The following NUDCD3 variants were observed in gnomAD, a reference collection of about 807,000 sequenced individuals.
NUDCD3 encodes NudC domain containing 3.
NUDCD3 carries 13 observed loss-of-function variants against 39.7 expected under a neutral mutation model. The ratio of observed to expected loss-of-function variants is 0.33; its 90% CI spans 0.21 to 0.52. The LOEUF (loss-of-function observed/expected upper bound fraction) is 0.52, where lower values mean the gene tolerates loss of function less well. Ranked by LOEUF, NUDCD3 falls within the 20% of genes least tolerant of loss-of-function variation. The probability of loss-of-function intolerance (pLI) is 0.96; values close to 1 mark genes in which losing one functional copy is unlikely to be tolerated. For synonymous variants in NUDCD3, 175 were observed against 172.4 expected (o/e 1.02, Z -0.12); for missense variants, 453 against 458.1 (o/e 0.99, Z 0.10).
chr7:44,404,583 C>T lies in NUDCD3; in HGVS notation c.643G>A (p.Val215Ile). ...GAGCTGCTGCTAAGGGCCACTGAGACCTGGGGACACAGCAGAAGAAAATCA... is the reference window on the plus strand; with the variant it reads ...GAGCTGCTGCTAAGGGCCACTGAGATCTGGGGACACAGCAGAAGAAAATCA... Reference protein sequence around the residue: ...VPKHVVKGKQVSVALSSSSIR... With the variant: ...VPKHVVKGKQISVALSSSSIR... The change falls in exon 4 of 6, where the codon GTC (valine) becomes ATC (isoleucine). Residue 215 changes from valine to isoleucine, a missense_variant and splice_region_variant. Coordinates refer to ENST00000355451, the MANE Select transcript of NUDCD3 (RefSeq NM_015332.4). The T allele has an allele frequency of 1.2e-6, 2 of 1,613,414 alleles. No homozygotes were observed. Among genetic ancestry groups the T allele is most frequent in the East Asian group, 2.2e-5 (1 of 44,868 alleles).
chr7:44,386,312 T>G (rs956976895), intron 5 of NUDCD3, among the ~76,000 whole-genome samples, 191 bp from the exon 6 acceptor site: 14 of 152,174 alleles, frequency 9.2e-5, no homozygotes, highest in African/African-American at 3.4e-4. Flanking sequence ...ACTGGGTGCC[T>G]GCCAATTTCT....
At chr7:44,434,234 C>T in intron 2 of NUDCD3, among the ~76,000 whole-genome samples, 1 of 152,144 alleles carries the variant, frequency 6.6e-6, no homozygotes. Context: ...TGGACCCCAG[C>T]CCTGGGCCCC....
chr7:44,474,103 T>G (rs1800312523), intron 2 of NUDCD3, among the ~76,000 whole-genome samples: 2 of 152,214 alleles, frequency 1.3e-5, no homozygotes, highest in Admixed American at 6.5e-5. Flanking sequence ...GGAGTCATGT[T>G]CTTCTGTCTA....
Position 44,453,813 on chromosome 7 carries a change from G to A in NUDCD3, c.510-26110C>T, listed in dbSNP as rs144948595. ...AATCCCAGTACTTTGGGAGGCCAAG[G>A]GAGTAGGATTGCTTGAGCCCAGGAG... On this transcript the variant is annotated intron_variant, in intron 2 of 5. Coordinates refer to ENST00000355451, the MANE Select transcript of NUDCD3 (RefSeq NM_015332.4). Among the ~76,000 whole-genome samples, 1,031 of 152,240 alleles carry A rather than the reference G, an allele frequency of 6.8e-3. 12 individuals are homozygous for A. The highest frequency in any genetic ancestry group is 0.023 in the African/African-American group (975 of 41,508).
Position 44,392,321 on chromosome 7 carries a change from C to A in NUDCD3, c.951G>T (p.Gln317His), listed in dbSNP as rs753372746. 23 of 1,614,112 alleles carry A rather than the reference C, an allele frequency of 1.4e-5. No individual in the cohort carries two copies. The highest frequency in any genetic ancestry group is 1.9e-5 in the Non-Finnish European group (22 of 1,179,978). ...CCAGCTCATGGCTCTGTGGCTTGCC[C>A]TGCAGCTTCTGGTGGTAGTCAAAGG... is the stretch of plus-strand genomic sequence containing the variant. ...RLTFDYHQKL[Q>H]GKPQSHELKV... The change falls in exon 5 of 6, where the codon CAG becomes CAT. Residue 317 changes from glutamine (Q) to histidine (H), a missense_variant. Transcript: ENST00000355451.
rs1382183392 is a variant in NUDCD3, at chr7:44,383,794, A to C, written c.*2217T>G. Reference sequence around the variant, plus strand: ...AACAGGCAGGGTGTGCCAGCTCTGGAGACTGGGCCAGTCCAGGGTGGTGGC... The same window carrying C: ...AACAGGCAGGGTGTGCCAGCTCTGGCGACTGGGCCAGTCCAGGGTGGTGGC... On this transcript the variant is annotated 3_prime_UTR_variant, in exon 6 of 6. Coordinates refer to ENST00000355451, the MANE Select transcript of NUDCD3 (RefSeq NM_015332.4). 6.6e-6 allele frequency: 1 copy of C among 152,230 alleles called. No homozygotes were observed. The highest frequency in any genetic ancestry group is 1.5e-5 in the Non-Finnish European group (1 of 68,072). 9.4% of individuals were successfully genotyped at this position (152,230 alleles called of 1,614,324 possible). A position where few individuals can be genotyped will look rare whatever the true frequency, so the allele number is the denominator to read the frequency against.
intron 3 of NUDCD3, among the ~76,000 whole-genome samples, chr7:44,419,292 C>A (rs1409386552): frequency 6.7e-6 from 1 of 148,440 alleles, no homozygotes; most frequent in Admixed American, 6.8e-5. Flanking sequence ...GATTCCTTCT[C>A]ACTGGGCAGG....
At chr7:44,402,336 C>T (rs1272722115) in intron 4 of NUDCD3, among the ~76,000 whole-genome samples, 1 of 152,182 alleles carries the variant, frequency 6.6e-6, no homozygotes, top group African/African-American at 2.4e-5. Flanking sequence ...CTAGTCACAT[C>T]CCTATTCCAC....
chr7:44,434,267 G>A (rs1005305314), intron 2 of NUDCD3, among the ~76,000 whole-genome samples: 1 of 152,060 alleles, frequency 6.6e-6, no homozygotes, highest in Non-Finnish European at 1.5e-5. Flanking sequence ...CTGCCCCAAC[G>A]CCAGCAACCC....
intron 2 of NUDCD3, among the ~76,000 whole-genome samples, chr7:44,447,206 T>C (rs1174785758): frequency 6.6e-6 from 1 of 152,200 alleles, no homozygotes; most frequent in Non-Finnish European, 1.5e-5. Flanking sequence ...TCCGTGCAAG[T>C]TTGACAGCCA....
chr7:44,420,672 A>G (rs991613297), intron 3 of NUDCD3, among the ~76,000 whole-genome samples: 2 of 152,266 alleles, frequency 1.3e-5, no homozygotes, highest in Non-Finnish European at 2.9e-5. Context: ...TCTACAAGCC[A>G]GAAGACAGTG....
chr7:44,462,582 A>T (rs779804729), intron 2 of NUDCD3, among the ~76,000 whole-genome samples: 11 of 152,240 alleles, frequency 7.2e-5, no homozygotes, highest in Non-Finnish European at 1.3e-4. Context: ...CTCCTACTTG[A>T]TCAGCAGCTC....
At chr7:44,474,587 C>A (rs1468662682) in intron 2 of NUDCD3, among the ~76,000 whole-genome samples, 1 of 152,172 alleles carries the variant, frequency 6.6e-6, no homozygotes, top group Non-Finnish European at 1.5e-5. Flanking sequence ...TCCCTGAACC[C>A]ATCCAACTCT....
chr7:44,437,139 G>A (rs940240630), intron 2 of NUDCD3, among the ~76,000 whole-genome samples: 11 of 143,678 alleles, frequency 7.7e-5, no homozygotes, highest in East Asian at 2.0e-4. Flanking sequence ...GTGCGATCTC[G>A]GCTCACTGCA....
Position 44,485,132 on chromosome 7 carries a change from T to A in NUDCD3, c.345A>T (p.Glu115Asp), listed in dbSNP as rs745436649. Residue 115 changes from glutamate to aspartate, a missense_variant, in exon 2 of 6, where the codon GAA (glutamate) becomes GAT (aspartate). By Grantham distance (45) the Glu-to-Asp change is conservative. Transcript: ENST00000355451. ...EKEPVPVPVQ[E>D]IEIDSTTELD... ...ATTCTGTGGTGGAGTCAATCTCTAT[T>A]TCCTGGACTGGAACTGGGACTGGCT... The A allele has an allele frequency of 6.2e-7, 1 of 1,614,194 alleles. No homozygotes were observed. The highest frequency in any genetic ancestry group is 1.3e-5 in the African/African-American group (1 of 75,038).
intron 2 of NUDCD3, among the ~76,000 whole-genome samples, chr7:44,468,919 A>C (rs1378858077): frequency 6.6e-6 from 1 of 152,038 alleles, no homozygotes; most frequent in Non-Finnish European, 1.5e-5. Context: ...ATGAATACAC[A>C]CTGACATACA....
chr7:44,391,602 C>T (rs189248057), intron 5 of NUDCD3, among the ~76,000 whole-genome samples: 35 of 152,308 alleles, frequency 2.3e-4, no homozygotes, highest in East Asian at 1.9e-4. Context: ...GGCTGCACTG[C>T]GTCCGCGTGC....
At position 44,427,606 on chromosome 7, in the gene NUDCD3, C is replaced by T; in HGVS notation, c.607G>A (p.Val203Met). 1 of 1,613,558 alleles carries T rather than the reference C, an allele frequency of 6.2e-7. No homozygotes were observed. Among genetic ancestry groups the T allele is most frequent in the Middle Eastern group, 1.7e-4 (1 of 6,058 alleles). The change falls in exon 3 of 6, where the codon GTG becomes ATG. Residue 203 changes from valine (V) to methionine (M), a missense_variant. Transcript: ENST00000355451. ...SQDYTDLEVRVPVPKHVVKGK... is the reference protein window; with the variant it reads ...SQDYTDLEVRMPVPKHVVKGK... ...TTCACCACGTGCTTGGGTACTGGCA[C>T]CCTGACCTCCAGGTCAGTATAGTCC...
At chr7:44,396,086 GTTGTGTGTGTGTGTGTGT>G (rs1321931729) in intron 4 of NUDCD3, among the ~76,000 whole-genome samples, 1 of 130,082 alleles carries the variant, frequency 7.7e-6, no homozygotes, top group East Asian at 2.2e-4. Context: ...GTTATCTTCT[GTTGTGTGTGTGTGTGTGT>G]GTGTGTGTGT....
Sources: gnomAD v4.1 joint callset for allele counts (sites outside exome capture counted in the v4.1 genomes callset) on GRCh38, gnomAD v4.1.1 for gene constraint, MANE v1.5 for transcripts, NCBI Gene and HGNC (gene_info 2026-07-23, HGNC 2026-07-21) for gene names.